Variants in TLN2 observed in about 807,000 individuals in gnomAD.
TLN2 encodes talin-2.
A neutral mutation model predicts 294.7 loss-of-function variants in TLN2; 118 were observed. The ratio of observed to expected loss-of-function variants is 0.40; its 90% confidence interval spans 0.34 to 0.47. The LOEUF (loss-of-function observed/expected upper bound fraction) is 0.47, where lower values mean the gene tolerates loss of function less well. TLN2 is among the 20% of genes least tolerant of loss of function. TLN2 has a pLI of 0.84. For synonymous variants in TLN2, 1,431 were observed against 1,304.5 expected (o/e 1.10, Z -2.09); for missense variants, 3,083 against 3,282.2 (o/e 0.94, Z 1.48).
chr15:62,598,159 A>G (rs574723654), intron 2 of TLN2, among the ~76,000 whole-genome samples: 1 of 152,336 alleles, frequency 6.6e-6, no homozygotes, highest in East Asian at 1.9e-4. Flanking sequence ...AGCCTTGTAG[A>G]ACAGATGTTA....
At chr15:62,591,895 G>A (rs1261764006) in intron 2 of TLN2, among the ~76,000 whole-genome samples, 5 of 152,196 alleles carry the variant, frequency 3.3e-5, no homozygotes, top group African/African-American at 1.2e-4. Flanking sequence ...GGTGGATATT[G>A]TCCTTTGAGG....
At chr15:62,444,856 A>C (rs1272348001) in intron 1 of TLN2, among the ~76,000 whole-genome samples, 2 of 152,178 alleles carry the variant, frequency 1.3e-5, no homozygotes, top group Admixed American at 1.3e-4. Context: ...GATGCTGACA[A>C]AGGCATGTGG....
intron 2 of TLN2, among the ~76,000 whole-genome samples, chr15:62,605,418 T>G (rs548629626): frequency 1.3e-5 from 2 of 152,308 alleles, no homozygotes; most frequent in East Asian, 3.9e-4. Context: ...GGACACAGAA[T>G]CTACTCTAGG....
chr15:62,538,908 A>G (rs2041513118), intron 1 of TLN2, among the ~76,000 whole-genome samples: 1 of 152,186 alleles, frequency 6.6e-6, no homozygotes, highest in Non-Finnish European at 1.5e-5. Context: ...GTGCTTTATT[A>G]CCTGCTGATT....
At chr15:62,483,196 G>T (rs996185180) in intron 1 of TLN2, among the ~76,000 whole-genome samples, 1 of 152,122 alleles carries the variant, frequency 6.6e-6, no homozygotes, top group Non-Finnish European at 1.5e-5. Flanking sequence ...ATTTCTTCAC[G>T]GCAGAGTCAC....
At chr15:62,755,844 C>T (rs545103814) in intron 37 of TLN2, 151 bp downstream of exon 37, 1 of 1,099,218 alleles carries the variant, frequency 9.1e-7, no homozygotes, top group East Asian at 2.6e-5. Flanking sequence ...ATAGGCATCC[C>T]TTACTAATGG....
rs16945912 is a variant in TLN2 at position 62,840,803 on chromosome 15, T to A, written c.*193T>A. The A allele has an allele frequency of 5.6e-6, 4 of 716,658 alleles. No homozygotes were observed. Among genetic ancestry groups the A allele is most frequent in the Non-Finnish European group, 8.7e-6 (4 of 460,456 alleles). The allele number at this position is 716,658 out of a possible 1,614,324, so 44.4% of individuals were successfully genotyped here. ...ATGATCGTGATGTCACACGGTACAA[T>A]GTCCTACCCACAACTCCTCTGCCGC... On this transcript the variant is annotated 3_prime_UTR_variant, in exon 59 of 59. Coordinates refer to ENST00000636159, the MANE Select transcript of TLN2 (RefSeq NM_015059.3).
intron 1 of TLN2, among the ~76,000 whole-genome samples, chr15:62,544,187 T>C (rs921440611): frequency 6.6e-6 from 1 of 152,228 alleles, no homozygotes; most frequent in African/African-American, 2.4e-5. Context: ...AAAAATGATA[T>C]TTCTTGTTTC....
At chr15:62,457,792 T>G (rs2036565595) in intron 1 of TLN2, among the ~76,000 whole-genome samples, 1 of 152,170 alleles carries the variant, frequency 6.6e-6, no homozygotes, top group Non-Finnish European at 1.5e-5. Context: ...GGGGGCTGGA[T>G]GGAGCATGAA....
At chr15:62,582,435 A>G (rs2045211767) in intron 1 of TLN2, among the ~76,000 whole-genome samples, 1 of 152,210 alleles carries the variant, frequency 6.6e-6, no homozygotes, top group Admixed American at 6.5e-5. Flanking sequence ...GTAAGAGCTC[A>G]CAGTCTGTGG....
At chr15:62,603,551 C>A (rs1478960959) in intron 2 of TLN2, among the ~76,000 whole-genome samples, 1 of 152,106 alleles carries the variant, frequency 6.6e-6, no homozygotes, top group Admixed American at 6.5e-5. Flanking sequence ...TGGGTAGTTT[C>A]CATCTTTTAC....
At chr15:62,825,836 A>ATATATATTTATAT (rs1555522053) in intron 54 of TLN2, among the ~76,000 whole-genome samples, 1 of 77,064 alleles carries the variant, frequency 1.3e-5, no homozygotes, top group Non-Finnish European at 2.1e-5. Flanking sequence ...TATAATATAT[A>ATATATATTTATAT]ATATATATAA....
intron 28 of TLN2, among the ~76,000 whole-genome samples, chr15:62,729,283 A>G (rs892697936): frequency 2.0e-5 from 3 of 152,176 alleles, no homozygotes; most frequent in Non-Finnish European, 4.4e-5. Flanking sequence ...GCACATCCTC[A>G]ACTTTGTTGG....
chr15:62,740,148 C>T (rs1045161561), intron 31 of TLN2, among the ~76,000 whole-genome samples: 3 of 151,736 alleles, frequency 2.0e-5, no homozygotes, highest in Admixed American at 6.6e-5. Flanking sequence ...AGATGGCAAC[C>T]GGGTGAGAAA....
At chr15:62,698,264 C>T (rs2058489999) in intron 15 of TLN2, among the ~76,000 whole-genome samples, 1 of 152,220 alleles carries the variant, frequency 6.6e-6, no homozygotes, top group Non-Finnish European at 1.5e-5. Context: ...CTCAGTGCCT[C>T]TCAGGCCGGC....
intron 1 of TLN2, among the ~76,000 whole-genome samples, chr15:62,394,222 T>G (rs1195160279): frequency 4.6e-5 from 7 of 152,214 alleles, no homozygotes; most frequent in Non-Finnish European, 7.4e-5. Flanking sequence ...TGTAGTGGTG[T>G]TGTGATGTGT....
At chr15:62,592,918 T>A (rs924559217) in intron 2 of TLN2, among the ~76,000 whole-genome samples, 1 of 152,232 alleles carries the variant, frequency 6.6e-6, no homozygotes, top group East Asian at 1.9e-4. Context: ...ACTTGTGATA[T>A]ATTCTGGATT....
intron 54 of TLN2, chr15:62,831,304 G>A (rs1369984641): frequency 6.6e-6 from 1 of 152,026 alleles, no homozygotes; most frequent in Non-Finnish European, 1.5e-5. Flanking sequence ...GAGCCGCCAT[G>A]AAGAGCTCCC....
chr15:62,527,813 C>T (rs1038520614), intron 1 of TLN2, among the ~76,000 whole-genome samples: 3 of 152,124 alleles, frequency 2.0e-5, no homozygotes, highest in Non-Finnish European at 2.9e-5. Context: ...TACAAGATGA[C>T]CATTACTGAA....
Sources: gnomAD v4.1 joint callset for allele counts (sites outside exome capture counted in the v4.1 genomes callset) on GRCh38, gnomAD v4.1.1 for gene constraint, MANE v1.5 for transcripts, NCBI Gene and HGNC (gene_info 2026-07-23, HGNC 2026-07-21) for gene names.